Variants in UNC13C observed in about 807,000 individuals in gnomAD.
UNC13C encodes the protein unc-13 homolog C.
A neutral mutation model predicts 245.4 loss-of-function variants in UNC13C; 174 were observed. The observed-to-expected ratio is 0.71, with a 90% CI of 0.63 to 0.80. The LOEUF (loss-of-function observed/expected upper bound fraction) is 0.80, where lower values mean the gene tolerates loss of function less well. Ranked by LOEUF, UNC13C falls within the 30% of genes least tolerant of loss-of-function variation. UNC13C has a pLI of 0.00. For synonymous variants in UNC13C, 992 were observed against 895.1 expected (o/e 1.11, Z -1.93); for missense variants, 2,829 against 2,602.9 (o/e 1.09, Z -1.89).
the UNC13C span, among the ~76,000 whole-genome samples, chr15:53,926,553 A>G: frequency 6.6e-6 from 1 of 152,194 alleles, no homozygotes; most frequent in South Asian, 2.1e-4. Flanking sequence ...GCTAGTTATT[A>G]TGCTATGTAT....
chr15:54,585,299 G>A (rs1045922982), intron 30 of UNC13C, among the ~76,000 whole-genome samples: 2 of 152,082 alleles, frequency 1.3e-5, no homozygotes, highest in Non-Finnish European at 2.9e-5. Context: ...CTGAGATCTG[G>A]TTGTTAAAGA....
At chr15:53,853,501 T>G in the UNC13C span, among the ~76,000 whole-genome samples, 15 of 152,296 alleles carry the variant, frequency 9.8e-5, no homozygotes, top group East Asian at 2.9e-3. Flanking sequence ...TGATTTATAT[T>G]CCTTTGGGTA....
chr15:54,253,749 A>T (rs1596089242), intron 8 of UNC13C, among the ~76,000 whole-genome samples: 2 of 152,192 alleles, frequency 1.3e-5, no homozygotes, highest in African/African-American at 2.4e-5. Flanking sequence ...GTTGGCTGGG[A>T]TGAGGGTTGT....
At chr15:54,269,230 G>A (rs1411940641) in intron 10 of UNC13C, among the ~76,000 whole-genome samples, 1 of 151,734 alleles carries the variant, frequency 6.6e-6, no homozygotes, top group African/African-American at 2.4e-5. Flanking sequence ...CTCTCTCAGG[G>A]ATCACTGTTC....
At chr15:54,251,911 T>C (rs764127883) in intron 8 of UNC13C, among the ~76,000 whole-genome samples, 2 of 152,196 alleles carry the variant, frequency 1.3e-5, no homozygotes, top group Non-Finnish European at 2.9e-5. Flanking sequence ...TTAGATCAGA[T>C]TGAGGCTGTG....
At chr15:54,541,866 C>T (rs927366619) in intron 26 of UNC13C, among the ~76,000 whole-genome samples, 32 of 152,124 alleles carry the variant, frequency 2.1e-4, no homozygotes, top group African/African-American at 7.7e-4. Flanking sequence ...ATTATATACA[C>T]CTTTGCCATG....
At chr15:53,839,067 G>A in the UNC13C span, among the ~76,000 whole-genome samples, 16 of 151,764 alleles carry the variant, frequency 1.1e-4, no homozygotes, top group African/African-American at 2.4e-4. Context: ...TCCAAATATC[G>A]TATATATGTG....
chr15:53,862,997 T>C, the UNC13C span, among the ~76,000 whole-genome samples: 8 of 152,170 alleles, frequency 5.3e-5, no homozygotes, highest in Non-Finnish European at 1.0e-4. Flanking sequence ...AAGTCTCATC[T>C]AAATATCACC....
At chr15:54,160,056 G>A (rs1479210864) in intron 4 of UNC13C, among the ~76,000 whole-genome samples, 2 of 151,986 alleles carry the variant, frequency 1.3e-5, no homozygotes, top group East Asian at 3.9e-4. Flanking sequence ...TGAGGTAGAA[G>A]GAATATATGA....
At position 54,549,710 on chromosome 15, in the gene UNC13C, T is replaced by G; in HGVS notation, c.5877+19T>G. The G allele has an allele frequency of 6.5e-7, 1 of 1,541,972 alleles. No individual in the cohort carries two copies. Among genetic ancestry groups the G allele is most frequent in the Non-Finnish European group, 8.9e-7 (1 of 1,127,718 alleles). On this transcript the variant is annotated intron_variant, in intron 28 of 32. Coordinates refer to ENST00000260323, the MANE Select transcript of UNC13C (RefSeq NM_001080534.3). ...ACTGAAGGTAATAAAAATAAGGAAA[T>G]TACTTATTCATGGAAAGTAGTGAGT...
At chr15:53,917,425 C>A in the UNC13C span, among the ~76,000 whole-genome samples, 8 of 152,224 alleles carry the variant, frequency 5.3e-5, no homozygotes, top group South Asian at 4.1e-4. Context: ...AAGTTGAGTT[C>A]TCTTACTGGC....
intron 2 of UNC13C, among the ~76,000 whole-genome samples, chr15:54,106,476 T>C (rs1183747694): frequency 2.6e-5 from 4 of 152,228 alleles, no homozygotes. Context: ...TTTGAGAGGT[T>C]ACACAAAATG....
At chr15:54,455,012 C>T (rs1891397684) in intron 19 of UNC13C, among the ~76,000 whole-genome samples, 1 of 151,338 alleles carries the variant, frequency 6.6e-6, no homozygotes, top group South Asian at 2.1e-4. Flanking sequence ...TATTATGTTA[C>T]ATTACCATAG....
At chr15:54,598,726 A>G (rs1363192224) in intron 30 of UNC13C, among the ~76,000 whole-genome samples, 1 of 150,908 alleles carries the variant, frequency 6.6e-6, no homozygotes. Flanking sequence ...TAAAAGAAAA[A>G]TTGGCTGTTT....
chr15:54,147,643 A>C (rs955533911), intron 4 of UNC13C, among the ~76,000 whole-genome samples: 1 of 152,108 alleles, frequency 6.6e-6, no homozygotes, highest in Non-Finnish European at 1.5e-5. Context: ...ACTTAAGTTT[A>C]CCTTTCCCTT....
intron 32 of UNC13C, among the ~76,000 whole-genome samples, chr15:54,625,504 A>T (rs1295068712): frequency 3.9e-5 from 6 of 152,164 alleles, no homozygotes; most frequent in African/African-American, 1.4e-4. Context: ...TAATTTGGTG[A>T]TGCCTGTCAG....
At chr15:54,615,865 A>T (rs989057596) in intron 30 of UNC13C, among the ~76,000 whole-genome samples, 9 of 152,176 alleles carry the variant, frequency 5.9e-5, no homozygotes, top group Admixed American at 2.0e-4. Flanking sequence ...GAAAGAATCC[A>T]GAACTGAAAA....
chr15:54,486,726 G>A (rs1378536259), intron 19 of UNC13C, among the ~76,000 whole-genome samples: 1 of 152,132 alleles, frequency 6.6e-6, no homozygotes, highest in African/African-American at 2.4e-5. Context: ...CAGCCTGTTG[G>A]CTGTCTCTTT....
At chr15:53,975,766 A>G (rs1317716391), upstream of UNC13C, among the ~76,000 whole-genome samples, 1 of 152,194 alleles carries the variant, frequency 6.6e-6, no homozygotes, top group Admixed American at 6.5e-5. Flanking sequence ...GTCTTGGGGT[A>G]TGAGAGGTGA....
Sources: allele counts gnomAD v4.1 joint callset (sites outside exome capture counted in the v4.1 genomes callset), GRCh38; gene constraint gnomAD v4.1.1; transcripts MANE v1.5; gene names NCBI Gene and HGNC (gene_info 2026-07-23, HGNC 2026-07-21).